IQCM: variants seen among roughly 807,000 people sequenced by gnomAD.
IQCM encodes the protein IQ motif containing M.
In IQCM, 45 loss-of-function variants were observed where a neutral mutation model predicts 57.6. The ratio of observed to expected loss-of-function variants is 0.78; its 90% CI spans 0.62 to 1.00. The LOEUF is 1.00. Ranked by LOEUF, IQCM falls within the 50% of genes least tolerant of loss-of-function variation. The pLI, the probability that IQCM is intolerant of heterozygous loss-of-function variation, is 0.00. For missense variants in IQCM, 468 were observed against 511.6 expected (o/e 0.91, Z 0.82); for synonymous variants, 148 against 158.9 (o/e 0.93, Z 0.51).
At chr4:149,383,457 A>G (rs1731213452) in intron 13 of IQCM, among the ~76,000 whole-genome samples, 1 of 152,172 alleles carries the variant, frequency 6.6e-6, no homozygotes, top group Non-Finnish European at 1.5e-5. Context: ...TGGTATATGC[A>G]ATAAACCACA....
At chr4:149,710,351 T>C (rs1764470421) in intron 5 of IQCM, among the ~76,000 whole-genome samples, 1 of 152,142 alleles carries the variant, frequency 6.6e-6, no homozygotes, top group Non-Finnish European at 1.5e-5. Context: ...AAATGTATAG[T>C]GTCTATTCAC....
At chr4:149,431,329 G>T (rs1217689716) in intron 13 of IQCM, among the ~76,000 whole-genome samples, 2 of 151,970 alleles carry the variant, frequency 1.3e-5, no homozygotes, top group African/African-American at 2.4e-5. Context: ...GCTGACACTT[G>T]ATATGGCCAG....
At chr4:149,594,101 T>C (rs1753513293) in intron 8 of IQCM, among the ~76,000 whole-genome samples, 2 of 152,162 alleles carry the variant, frequency 1.3e-5, no homozygotes, top group Non-Finnish European at 1.5e-5. Flanking sequence ...CTATTTTTGA[T>C]TGGTAGGCTA....
chr4:149,476,649 T>G (rs1236093341), intron 12 of IQCM, among the ~76,000 whole-genome samples: 2 of 152,112 alleles, frequency 1.3e-5, no homozygotes, highest in Non-Finnish European at 2.9e-5. Context: ...ATAAAAGACA[T>G]CAACCGAAAG....
chr4:149,389,137 A>G (rs1245181918), intron 13 of IQCM, among the ~76,000 whole-genome samples: 9 of 151,966 alleles, frequency 5.9e-5, no homozygotes, highest in African/African-American at 2.2e-4. Flanking sequence ...GGTTATGCAT[A>G]TAATGCATCT....
chr4:149,467,314 G>A (rs552765274), intron 12 of IQCM, among the ~76,000 whole-genome samples: 1 of 152,120 alleles, frequency 6.6e-6, no homozygotes, highest in Non-Finnish European at 1.5e-5. Flanking sequence ...CACATTATTA[G>A]AAGAGGGAGA....
chr4:149,502,697 C>CA (rs1743385609), intron 12 of IQCM, among the ~76,000 whole-genome samples: 1 of 151,598 alleles, frequency 6.6e-6, no homozygotes, highest in Non-Finnish European at 1.5e-5. Flanking sequence ...AACAAAACAA[C>CA]AACAAACAAA....
intron 5 of IQCM, among the ~76,000 whole-genome samples, chr4:149,723,807 T>C (rs952989342): frequency 6.6e-6 from 1 of 152,052 alleles, no homozygotes; most frequent in African/African-American, 2.4e-5. Context: ...CTTCATAGAA[T>C]GAGTTAGGGT....
At chr4:149,463,463 A>G (rs767488996) in intron 12 of IQCM, among the ~76,000 whole-genome samples, 2 of 152,208 alleles carry the variant, frequency 1.3e-5, no homozygotes, top group African/African-American at 4.8e-5. Flanking sequence ...CTGCAACACT[A>G]AAGTATAATC....
intron 2 of IQCM, among the ~76,000 whole-genome samples, chr4:149,758,867 A>G (rs374603151): frequency 6.6e-6 from 1 of 152,220 alleles, no homozygotes; most frequent in Non-Finnish European, 1.5e-5. Flanking sequence ...GCGAAATGAT[A>G]CAGCCACTCT....
chr4:149,703,280 G>A (rs1383694875), intron 5 of IQCM, among the ~76,000 whole-genome samples: 1 of 151,764 alleles, frequency 6.6e-6, no homozygotes, highest in Non-Finnish European at 1.5e-5. Context: ...TAGCCCAAAG[G>A]TACTAAAACT....
chr4:149,753,663 T>C (rs1188634957), intron 2 of IQCM, among the ~76,000 whole-genome samples: 1 of 151,766 alleles, frequency 6.6e-6, no homozygotes, highest in Non-Finnish European at 1.5e-5. Context: ...CACACCAACA[T>C]GGCTCATGTA....
intron 7 of IQCM, among the ~76,000 whole-genome samples, chr4:149,640,151 T>TA (rs1561092655): frequency 6.6e-6 from 1 of 152,138 alleles, no homozygotes; most frequent in South Asian, 2.1e-4. Context: ...TGTTTTAATT[T>TA]AAAAAATGTG....
chr4:149,368,992 GTATATA>G (rs201946807), intron 13 of IQCM, among the ~76,000 whole-genome samples: 1 of 32,210 alleles, frequency 3.1e-5, no homozygotes, highest in African/African-American at 1.3e-4. Flanking sequence ...ATATACACGT[GTATATA>G]TATATATATA....
At chr4:149,783,252 C>T (rs962618900) in intron 2 of IQCM, among the ~76,000 whole-genome samples, 4 of 152,176 alleles carry the variant, frequency 2.6e-5, no homozygotes, top group Admixed American at 2.6e-4. Flanking sequence ...CAGTAAATGT[C>T]AATTCATTTC....
At chr4:149,790,163 G>C (rs1458810224) in intron 2 of IQCM, 2 of 492,026 alleles carry the variant, frequency 4.1e-6, no homozygotes, top group Non-Finnish European at 7.3e-6. Flanking sequence ...TTAGTTGAAA[G>C]AACATGAAGA....
intron 12 of IQCM, among the ~76,000 whole-genome samples, chr4:149,494,344 G>T (rs537330471): frequency 6.6e-6 from 1 of 152,076 alleles, no homozygotes; most frequent in South Asian, 2.1e-4. Context: ...CCAAGGAAAC[G>T]TGTCTCAATA....
chr4:149,624,559 G>A (rs942214192), intron 7 of IQCM, among the ~76,000 whole-genome samples: 2 of 152,042 alleles, frequency 1.3e-5, no homozygotes, highest in Non-Finnish European at 1.5e-5. Context: ...GATCGTATAC[G>A]ACAGGTGATA....
At chr4:149,679,535 A>G (rs1762019833) in intron 7 of IQCM, among the ~76,000 whole-genome samples, 2 of 151,616 alleles carry the variant, frequency 1.3e-5, no homozygotes, top group African/African-American at 4.8e-5. Context: ...GTTCTGTCAT[A>G]AAGAGAAGAC....
Sources: gnomAD v4.1 joint callset for allele counts (sites outside exome capture counted in the v4.1 genomes callset) on GRCh38, gnomAD v4.1.1 for gene constraint, MANE v1.5 for transcripts, NCBI Gene and HGNC (gene_info 2026-07-23, HGNC 2026-07-21) for gene names.